UNC79: variants seen among roughly 807,000 people sequenced by gnomAD.
UNC79 encodes protein unc-79 homolog.
In UNC79, 37 loss-of-function variants were observed where a neutral mutation model predicts 283.1. The ratio of observed to expected loss-of-function variants is 0.13; its 90% CI spans 0.10 to 0.17. The LOEUF is 0.17. Among genes scored for constraint, UNC79 ranks in the 10% least tolerant of loss-of-function variants. The pLI is 1.00. For synonymous variants in UNC79, 1,107 were observed against 1,200.2 expected (o/e 0.92, Z 1.61); for missense variants, 2,272 against 3,211.1 (o/e 0.71, Z 7.07).
Position 93,617,907 on chromosome 14 carries a change from T to A in UNC79, c.4225-285T>A, listed in dbSNP as rs1184420117. Among the ~76,000 whole-genome samples, 1 of 152,050 alleles carries A rather than the reference T, an allele frequency of 6.6e-6. No individual in the cohort carries two copies. Among genetic ancestry groups the A allele is most frequent in the Non-Finnish European group, 1.5e-5 (1 of 68,004 alleles). On this transcript the variant is annotated intron_variant, in intron 28 of 48. Transcript: ENST00000555664. The surrounding 1 kb of genome is among the most constrained non-coding windows in gnomAD (Gnocchi z 4.5). ...AAAATTAGCCAAGCATGGTTGCACG[T>A]GCCTGGTCCCACCTACTTGGGAGGC...
At position 93,621,613 on chromosome 14, in the gene UNC79, T is replaced by C. The variant is rs1238791824; in HGVS notation, c.4388-8T>C. 6.5e-7 allele frequency: 1 copy of C among 1,531,250 alleles called. No homozygotes were observed. The highest frequency in any genetic ancestry group is 2.3e-5 in the East Asian group (1 of 44,124). 94.9% of individuals were successfully genotyped at this position (1,531,250 alleles called of 1,614,324 possible). A position where few individuals can be genotyped will look rare whatever the true frequency, so the allele number is the denominator to read the frequency against. On this transcript the variant is annotated splice_polypyrimidine_tract_variant and splice_region_variant and intron_variant, in intron 29 of 48. Coordinates refer to ENST00000555664, the Ensembl canonical transcript of UNC79. This position sits in a 1 kb window ranked among gnomAD's most constrained non-coding sequence, Gnocchi z 4.8. ...TAAAATAGTACTAGCTTTTTCTGTTTTGATCAGGTGAAATAGAACTGGCTG... is the reference window on the plus strand; with the variant it reads ...TAAAATAGTACTAGCTTTTTCTGTTCTGATCAGGTGAAATAGAACTGGCTG...
At position 93,561,089 on chromosome 14, in the gene UNC79, G is replaced by A. The variant is rs143121046; in HGVS notation, c.1756-10805G>A. Among the ~76,000 whole-genome samples the A allele has an allele frequency of 2.9e-3, 447 of 152,252 alleles. 3 individuals carry two copies. The highest frequency in any genetic ancestry group is 0.01 in the African/African-American group (426 of 41,532). On this transcript the variant is annotated intron_variant, in intron 14 of 48. Coordinates refer to ENST00000555664, the Ensembl canonical transcript of UNC79. ...TTCCTAAGCAATAATTACTGCTAAT[G>A]TTTTTAAGTTTGCCAGTATTGATAG...
chr14:93,440,360 A>G (rs933846057), intron 1 of UNC79, among the ~76,000 whole-genome samples: 19 of 151,542 alleles, frequency 1.3e-4, no homozygotes, highest in Admixed American at 9.9e-4. Flanking sequence ...TGGTTTGTCT[A>G]TTTTGTCGAT....
chr14:93,692,759 A>T lies in UNC79; in HGVS notation c.7470+813A>T, dbSNP rs1474088853. Among the ~76,000 whole-genome samples, 4 of 152,338 alleles carry T rather than the reference A, an allele frequency of 2.6e-5. No individual in the cohort carries two copies. In the East Asian group the frequency reaches 7.7e-4, roughly 29 times the overall value. ...GGTATGGCTAGCCTAAGCCCACTTCATTGAACCAGTGTGGAGTATTCATCC... is the reference window on the plus strand; with the variant it reads ...GGTATGGCTAGCCTAAGCCCACTTCTTTGAACCAGTGTGGAGTATTCATCC... On this transcript the variant is annotated intron_variant, in intron 46 of 48. Transcript: ENST00000555664.
chr14:93,526,603 A>T (rs1319425262), intron 8 of UNC79, among the ~76,000 whole-genome samples: 1 of 152,192 alleles, frequency 6.6e-6, no homozygotes, highest in African/African-American at 2.4e-5. Flanking sequence ...TAAACAAAAA[A>T]ATCCACTTAT....
chr14:93,646,636 C>G, exon 35 of UNC79: 3 of 1,613,840 alleles, frequency 1.9e-6, no homozygotes, highest in Non-Finnish European at 2.5e-6. Flanking sequence ...CTTTTCTAAT[C>G]AAGCAGAAAG....
intron 47 of UNC79, among the ~76,000 whole-genome samples, chr14:93,695,569 C>T (rs528498761): frequency 6.6e-6 from 1 of 152,186 alleles, no homozygotes; most frequent in Admixed American, 6.5e-5. Flanking sequence ...GCACCATGAT[C>T]AAGACAATGA....
At chr14:93,344,801 G>C (rs1391172381) in intron 1 of UNC79, among the ~76,000 whole-genome samples, 1 of 152,210 alleles carries the variant, frequency 6.6e-6, no homozygotes, top group Non-Finnish European at 1.5e-5. Context: ...TGAGCCAAGG[G>C]AAGACTGAGA....
chr14:93,706,220 T>C (rs1279417398), intron 48 of UNC79, among the ~76,000 whole-genome samples: 2 of 152,126 alleles, frequency 1.3e-5, no homozygotes, highest in Non-Finnish European at 2.9e-5. Context: ...TTTTAACCCA[T>C]TTGTCCTACA....
intron 13 of UNC79, among the ~76,000 whole-genome samples, chr14:93,541,859 G>C (rs565172488): frequency 2.0e-5 from 3 of 152,130 alleles, no homozygotes; most frequent in Admixed American, 6.5e-5. Context: ...CAAAATATTA[G>C]CTGGGTGTGG....
intron 1 of UNC79, among the ~76,000 whole-genome samples, chr14:93,340,552 G>C (rs576366042): frequency 6.7e-6 from 1 of 149,748 alleles, no homozygotes; most frequent in South Asian, 2.1e-4. Context: ...TCAGGTTACA[G>C]TTCACTATGT....
intron 1 of UNC79, among the ~76,000 whole-genome samples, chr14:93,460,618 G>A (rs1297874025): frequency 6.6e-6 from 1 of 151,898 alleles, no homozygotes; most frequent in Admixed American, 6.6e-5. Context: ...AACAGTTACT[G>A]TCTTTCTGAA....
chr14:93,622,108 A>C, exon 30 of UNC79: 1 of 1,614,036 alleles, frequency 6.2e-7, no homozygotes, highest in South Asian at 1.1e-5. Context: ...CTATACTCTC[A>C]ACCTCCGACA....
chr14:93,435,075 A>G (rs1451181502), intron 1 of UNC79, among the ~76,000 whole-genome samples: 2 of 152,182 alleles, frequency 1.3e-5, no homozygotes, highest in Non-Finnish European at 2.9e-5. Context: ...TTTTTTGCAC[A>G]TTATATGGTA....
chr14:93,339,277 G>A (rs2053648098), intron 1 of UNC79, among the ~76,000 whole-genome samples: 1 of 152,050 alleles, frequency 6.6e-6, no homozygotes, highest in African/African-American at 2.4e-5. Flanking sequence ...GACTTGATCA[G>A]CTCTAGATGG....
chr14:93,393,202 T>A (rs911500290), intron 1 of UNC79, among the ~76,000 whole-genome samples: 1 of 152,210 alleles, frequency 6.6e-6, no homozygotes, highest in Non-Finnish European at 1.5e-5. Flanking sequence ...AGCAATACTC[T>A]ATTCTCTAAT....
chr14:93,529,460 T>C, intron 10 of UNC79, 134 bp downstream of exon 10: 4 of 929,166 alleles, frequency 4.3e-6, no homozygotes, highest in Non-Finnish European at 4.8e-6. Flanking sequence ...TTCATTGATA[T>C]GAAGCATAAT....
intron 14 of UNC79, among the ~76,000 whole-genome samples, chr14:93,553,811 C>T (rs1215050638): frequency 6.6e-6 from 1 of 152,152 alleles, no homozygotes; most frequent in Non-Finnish European, 1.5e-5. Flanking sequence ...AAATAAGCTG[C>T]ATATGTCTCT....
intron 1 of UNC79, among the ~76,000 whole-genome samples, chr14:93,409,829 A>C (rs2055299923): frequency 6.6e-6 from 1 of 152,250 alleles, no homozygotes; most frequent in African/African-American, 2.4e-5. Flanking sequence ...ATTCCAGTCA[A>C]AATTTCAAAA....
Sources: allele counts gnomAD v4.1 joint callset (sites outside exome capture counted in the v4.1 genomes callset), GRCh38; gene constraint gnomAD v4.1.1; non-coding constraint Gnocchi (gnomAD v3.1); transcripts MANE v1.5; gene names NCBI Gene and HGNC (gene_info 2026-07-23, HGNC 2026-07-21).